Variants in SLC4A4 observed in about 807,000 individuals in gnomAD.
SLC4A4 encodes electrogenic sodium bicarbonate cotransporter 1.
A neutral mutation model predicts 111.5 loss-of-function variants in SLC4A4; 27 were observed. The observed-to-expected ratio is 0.24, with a 90% CI of 0.18 to 0.33. The LOEUF is 0.33. SLC4A4 is among the 10% of genes least tolerant of loss of function. The pLI, the probability that SLC4A4 is intolerant of heterozygous loss-of-function variation, is 1.00. For synonymous variants in SLC4A4, 443 were observed against 463.4 expected (o/e 0.96, Z 0.57); for missense variants, 909 against 1,315.5 (o/e 0.69, Z 4.78).
chr4:71,411,365 C>T (rs1208295407), intron 7 of SLC4A4, among the ~76,000 whole-genome samples: 1 of 151,968 alleles, frequency 6.6e-6, no homozygotes, highest in Non-Finnish European at 1.5e-5. Flanking sequence ...GTGACACGCC[C>T]CCCCCCTCTT....
chr4:71,456,057 C>T (rs1726237581), intron 12 of SLC4A4, among the ~76,000 whole-genome samples: 2 of 152,170 alleles, frequency 1.3e-5, no homozygotes, highest in South Asian at 2.1e-4. Context: ...AAGTAGTCCA[C>T]TAAAATAACC....
In SLC4A4 at chr4:71,547,720, G is replaced by A. The variant is rs780820331; in HGVS notation, c.2694G>A (p.Lys898=). 2 of 1,609,284 alleles carry A rather than the reference G, an allele frequency of 1.2e-6. No homozygotes were observed. Among genetic ancestry groups the A allele is most frequent in the African/African-American group, 1.3e-5 (1 of 74,826 alleles). ...GLSVFMAPIL[K]FIPMPVLYGV... ...CAGTCTTTATGGCTCCCATCTTGAA[G>A]GTAAATATGTGAAACATTCACCTCT... Residue 898 remains lysine, a splice_region_variant and synonymous_variant, in exon 20 of 26, where the codon AAG becomes AAA. Transcript: ENST00000264485.
In SLC4A4 at chr4:71,291,007, C is replaced by T. The variant is rs115507111; in HGVS notation, c.253+35608C>T. Among the ~76,000 whole-genome samples, 442 of 152,242 alleles carry T rather than the reference C, an allele frequency of 2.9e-3. 1 individual carries two copies. Among genetic ancestry groups the T allele is most frequent in the African/African-American group, 0.01 (431 of 41,544 alleles). On this transcript the variant is annotated intron_variant, in intron 3 of 25. Coordinates refer to ENST00000264485, the MANE Select transcript of SLC4A4 (RefSeq NM_001098484.3). ...ATATCAATTTACATGGAAGTGGAGG[C>T]ACCAAAGAATTTTGGTCAAGACAGA... is the stretch of plus-strand genomic sequence containing the variant.
At chr4:71,466,612 T>C (rs758006667) in intron 13 of SLC4A4, 35 bp downstream of exon 13, 1 of 1,599,846 alleles carries the variant, frequency 6.3e-7, no homozygotes, top group Non-Finnish European at 8.6e-7. Flanking sequence ...AAATTAGAAT[T>C]GCTTAATTGT....
intron 6 of SLC4A4, among the ~76,000 whole-genome samples, chr4:71,385,760 A>G (rs1294380274): frequency 6.6e-6 from 1 of 152,094 alleles, no homozygotes; most frequent in African/African-American, 2.4e-5. Context: ...TGATACACCT[A>G]TGGAATCCCT....
chr4:71,400,577 T>A (rs1439494384), intron 7 of SLC4A4, among the ~76,000 whole-genome samples: 1 of 152,230 alleles, frequency 6.6e-6, no homozygotes, highest in African/African-American at 2.4e-5. Flanking sequence ...GTTAATCCAA[T>A]GAGTTCTTCA....
chr4:71,501,660 T>C (rs1274283524), intron 16 of SLC4A4, among the ~76,000 whole-genome samples: 1 of 151,250 alleles, frequency 6.6e-6, no homozygotes, highest in East Asian at 1.9e-4. Flanking sequence ...GTTAATATTT[T>C]TTGTTTGTTT....
intron 16 of SLC4A4, among the ~76,000 whole-genome samples, chr4:71,505,051 G>A (rs1468174724): frequency 6.6e-6 from 1 of 152,140 alleles, no homozygotes; most frequent in Admixed American, 6.6e-5. Flanking sequence ...CCCTGCAAAG[G>A]ACATGATCTT....
intron 4 of SLC4A4, among the ~76,000 whole-genome samples, chr4:71,342,698 C>T (rs78175863): frequency 2.6e-5 from 4 of 152,220 alleles, no homozygotes; most frequent in Non-Finnish European, 4.4e-5. Flanking sequence ...GCAGACCATA[C>T]GTTATTTTAC....
At chr4:71,102,437 C>T (rs1742778318) in intron 2 of SLC4A4, among the ~76,000 whole-genome samples, 1 of 151,516 alleles carries the variant, frequency 6.6e-6, no homozygotes, top group Admixed American at 6.6e-5. Flanking sequence ...AAACATACTC[C>T]TCGAGAAGAG....
At chr4:71,513,850 T>C (rs1326488051) in intron 16 of SLC4A4, among the ~76,000 whole-genome samples, 1 of 152,190 alleles carries the variant, frequency 6.6e-6, no homozygotes, top group Non-Finnish European at 1.5e-5. Flanking sequence ...AAGGATGTTG[T>C]ATTTTATCAT....
chr4:71,398,680 G>A (rs948838988), intron 7 of SLC4A4, among the ~76,000 whole-genome samples: 1 of 152,172 alleles, frequency 6.6e-6, no homozygotes, highest in African/African-American at 2.4e-5. Context: ...ATATTGGAAA[G>A]AAGAAGGAAC....
chr4:71,487,159 G>C lies in SLC4A4; in HGVS notation c.1974+141G>C, dbSNP rs371437744. 400 of 520,872 alleles carry C rather than the reference G, an allele frequency of 7.7e-4. 11 individuals are homozygous for C. The South Asian group carries it at 0.011, about 15-fold the overall frequency. The allele number at this position is 520,872 out of a possible 1,614,324, so 32.3% of individuals were successfully genotyped here. On this transcript the variant is annotated intron_variant, in intron 15 of 25. Transcript: ENST00000264485. ...ACGTAACAATTATTGACAGTGGAGG[G>C]ACGGGAAAAAAAAAAGCCACTTTCC...
At position 71,536,465 on chromosome 4, in the gene SLC4A4, C is replaced by CATATATATATATATATATATAT. The variant is rs869091643; in HGVS notation, c.2442+2078_2442+2099dup. On this transcript the variant is annotated intron_variant, in intron 18 of 25. Coordinates refer to ENST00000264485, the MANE Select transcript of SLC4A4 (RefSeq NM_001098484.3). ...GCATATATACATATATACATATATA[C>CATATATATATATATATATATAT]ATATATATATATATATATATATGTA... 1.6e-3 allele frequency among the ~76,000 whole-genome samples: 66 copies of CATATATATATATATATATATAT among 40,670 alleles called. 2 individuals are homozygous for CATATATATATATATATATATAT. The highest frequency in any genetic ancestry group is 2.2e-3 in the African/African-American group (28 of 12,464). The allele number at this position is 40,670 out of a possible 152,430, so 26.7% of individuals were successfully genotyped here.
At chr4:71,149,279 G>C (rs1975710) in intron 2 of SLC4A4, among the ~76,000 whole-genome samples, 150,324 of 152,094 alleles carry the variant, frequency 0.99, 74,308 homozygotes, top group East Asian at 1. Flanking sequence ...TGGTTTAAAA[G>C]TAAAGGCCCC....
chr4:71,271,437 A>G (rs1722694827), intron 3 of SLC4A4, among the ~76,000 whole-genome samples: 1 of 152,322 alleles, frequency 6.6e-6, no homozygotes, highest in Non-Finnish European at 1.5e-5. Flanking sequence ...CTCACATTCT[A>G]CAAAAGATTT....
At chr4:71,229,362 A>G (rs988848016) in intron 1 of SLC4A4, among the ~76,000 whole-genome samples, 1 of 152,218 alleles carries the variant, frequency 6.6e-6, no homozygotes, top group Non-Finnish European at 1.5e-5. Flanking sequence ...TGCTGTAAAC[A>G]TTCATGTACA....
chr4:71,557,409 CAG>C (rs778055007), intron 21 of SLC4A4, among the ~76,000 whole-genome samples: 2 of 151,902 alleles, frequency 1.3e-5, no homozygotes, highest in Non-Finnish European at 2.9e-5. Context: ...TCCTGAGACT[CAG>C]AGAGTAAAAA....
In SLC4A4 at chr4:71,567,957, G is replaced by T; in HGVS notation, c.*206G>T. 9.8e-7 allele frequency: 1 copy of T among 1,020,970 alleles called. No homozygotes were observed. The highest frequency in any genetic ancestry group is 1.5e-6 in the Non-Finnish European group (1 of 685,712). The allele number at this position is 1,020,970 out of a possible 1,614,324, so 63.2% of individuals were successfully genotyped here. On this transcript the variant is annotated 3_prime_UTR_variant, in exon 26 of 26. Transcript: ENST00000264485. ...GTCATTTGTTTTTGTTTGGCTGTTT[G>T]TTTATTTTTTAACTTTTATTTCGTC...
Sources: gnomAD v4.1 joint callset for allele counts (sites outside exome capture counted in the v4.1 genomes callset) on GRCh38, gnomAD v4.1.1 for gene constraint, MANE v1.5 for transcripts, NCBI Gene and HGNC (gene_info 2026-07-23, HGNC 2026-07-21) for gene names.